The following FNBP1 variants were observed in gnomAD, a reference collection of about 807,000 sequenced individuals.
FNBP1 encodes formin binding protein 1.
In FNBP1, 26 loss-of-function variants were observed where a neutral mutation model predicts 90.6. The observed-to-expected ratio is 0.29, with a 90% CI of 0.21 to 0.40. The LOEUF (loss-of-function observed/expected upper bound fraction) is 0.40, where lower values mean the gene tolerates loss of function less well. Among genes scored for constraint, FNBP1 ranks in the 10% least tolerant of loss-of-function variants. The probability of loss-of-function intolerance (pLI) is 1.00; values close to 1 mark genes in which losing one functional copy is unlikely to be tolerated. For synonymous variants in FNBP1, 260 were observed against 265.2 expected (o/e 0.98, Z 0.19); for missense variants, 635 against 768.0 (o/e 0.83, Z 2.05).
chr9:129,953,333 C>T (rs2046442549), intron 6 of FNBP1, among the ~76,000 whole-genome samples: 1 of 151,674 alleles, frequency 6.6e-6, no homozygotes, highest in Non-Finnish European at 1.5e-5. Flanking sequence ...TAAAAATACA[C>T]ACAAAAAATT....
chr9:129,898,998 C>A (rs183427478), intron 15 of FNBP1, among the ~76,000 whole-genome samples: 18 of 151,942 alleles, frequency 1.2e-4, no homozygotes, highest in Non-Finnish European at 1.5e-4. Flanking sequence ...AACCAAAAGT[C>A]AAAATATACA....
At chr9:129,945,017 G>A (rs1440389576) in intron 6 of FNBP1, among the ~76,000 whole-genome samples, 2 of 151,958 alleles carry the variant, frequency 1.3e-5, no homozygotes, top group South Asian at 2.1e-4. Context: ...ATATATTCAG[G>A]GAATTCATTT....
intron 1 of FNBP1, among the ~76,000 whole-genome samples, chr9:130,016,971 C>G (rs554706044): frequency 1.3e-5 from 2 of 152,124 alleles, no homozygotes; most frequent in African/African-American, 4.8e-5. Flanking sequence ...TTTGGCAGAG[C>G]AGGGTGGCTC....
At chr9:130,002,943 TGTTA>T (rs1386413348) in intron 1 of FNBP1, among the ~76,000 whole-genome samples, 6 of 152,194 alleles carry the variant, frequency 3.9e-5, no homozygotes, top group Non-Finnish European at 8.8e-5. Flanking sequence ...TGCCAGGTGC[TGTTA>T]GTTATGAGAC....
rs2133132587 is a variant in FNBP1, at chr9:129,966,981, C to A, written c.346-8428G>T. ...CCTCTAGATGAGAGATAATGAGGCA[C>A]AGGACTGGGGTAGATGTGGAAGAGG... is the stretch of plus-strand genomic sequence containing the variant. On this transcript the variant is annotated intron_variant, in intron 4 of 16. Coordinates refer to ENST00000446176, the MANE Select transcript of FNBP1 (RefSeq NM_015033.3). This position sits in a 1 kb window ranked among gnomAD's most constrained non-coding sequence, Gnocchi z 4.3. Among the ~76,000 whole-genome samples, 1 of 152,192 alleles carries A rather than the reference C, an allele frequency of 6.6e-6. No individual in the cohort carries two copies. The highest frequency in any genetic ancestry group is 2.1e-4 in the South Asian group (1 of 4,830).
chr9:130,007,482 A>G (rs1191177940), intron 1 of FNBP1, among the ~76,000 whole-genome samples: 2 of 152,140 alleles, frequency 1.3e-5, no homozygotes, highest in Non-Finnish European at 2.9e-5. Flanking sequence ...CACAACCTGT[A>G]GAAAAAGTGC....
upstream of FNBP1, among the ~76,000 whole-genome samples, chr9:130,047,713 A>G (rs1015948068): frequency 1.6e-4 from 24 of 152,026 alleles, no homozygotes; most frequent in African/African-American, 5.1e-4. Context: ...ATCTGATCAC[A>G]TGGACAGTAT....
chr9:130,043,455 A>C (rs1488909134), upstream of FNBP1, among the ~76,000 whole-genome samples: 1 of 152,248 alleles, frequency 6.6e-6, no homozygotes, highest in Non-Finnish European at 1.5e-5. Context: ...TGCTCGCAGT[A>C]CTAGCGCTTG....
rs560580579 is a variant in FNBP1, at chr9:129,931,283, C to T, written c.514-1588G>A. 2.4e-3 allele frequency among the ~76,000 whole-genome samples: 366 copies of T among 151,980 alleles called. 2 individuals carry two copies. The highest frequency in any genetic ancestry group is 6.0e-3 in the South Asian group (29 of 4,824). On this transcript the variant is annotated intron_variant, in intron 6 of 16. Transcript: ENST00000446176. Reference sequence around the variant, plus strand: ...CTGCATTCCAGCCTGCGCAACAGAACGAGACCCTGTGTCAAAAAATAATAA... The same window carrying T: ...CTGCATTCCAGCCTGCGCAACAGAATGAGACCCTGTGTCAAAAAATAATAA...
At chr9:129,913,164 T>C (rs1042450210) in intron 11 of FNBP1, among the ~76,000 whole-genome samples, 1 of 152,010 alleles carries the variant, frequency 6.6e-6, no homozygotes, top group African/African-American at 2.4e-5. Context: ...GCCAGGATCA[T>C]GCCACTGCAC....
At chr9:129,943,408 T>C (rs368927516) in intron 6 of FNBP1, among the ~76,000 whole-genome samples, 6 of 75,754 alleles carry the variant, frequency 7.9e-5, no homozygotes, top group African/African-American at 2.8e-4. Flanking sequence ...TTTTTTGAGA[T>C]GGACTTTTGC....
At chr9:129,901,398 A>G (rs2036911322) in intron 13 of FNBP1, among the ~76,000 whole-genome samples, 1 of 151,856 alleles carries the variant, frequency 6.6e-6, no homozygotes, top group Non-Finnish European at 1.5e-5. Flanking sequence ...TTAGCTGGGC[A>G]TGGTGGCACA....
At chr9:129,891,233 G>A (rs2035075454) in intron 16 of FNBP1, among the ~76,000 whole-genome samples, 1 of 152,072 alleles carries the variant, frequency 6.6e-6, no homozygotes, top group African/African-American at 2.4e-5. Flanking sequence ...GCTGAAGAGG[G>A]AGGATGCATG....
chr9:129,928,229 A>G (rs998877549), intron 7 of FNBP1, among the ~76,000 whole-genome samples: 26 of 152,258 alleles, frequency 1.7e-4, no homozygotes, highest in African/African-American at 6.3e-4. Context: ...AAAAGAAAAC[A>G]ATCCAAAAGA....
chr9:129,904,943 T>C (rs1258240701), intron 12 of FNBP1, among the ~76,000 whole-genome samples: 1 of 152,222 alleles, frequency 6.6e-6, no homozygotes, highest in African/African-American at 2.4e-5. Flanking sequence ...TTAAAAATCA[T>C]GTTTATAAAT....
intron 1 of FNBP1, among the ~76,000 whole-genome samples, chr9:129,999,848 T>C (rs1458332095): frequency 1.3e-5 from 2 of 152,206 alleles, no homozygotes; most frequent in Non-Finnish European, 2.9e-5. Context: ...CTTTAATGTC[T>C]AGCTTAATAG....
Position 129,979,216 on chromosome 9 carries a change from T to G in FNBP1, c.197+102A>C, listed in dbSNP as rs192627210. On this transcript the variant is annotated intron_variant, in intron 3 of 16. Coordinates refer to ENST00000446176, the MANE Select transcript of FNBP1 (RefSeq NM_015033.3). ...AATTTAAAAACTGACACAAAATGAA[T>G]GGGAAATGCAACTTATTTTTATAGA... 1.1e-4 allele frequency: 70 copies of G among 657,262 alleles called. No individual in the cohort carries two copies. The East Asian group carries it at 1.7e-3, about 16-fold the overall frequency. The allele number at this position is 657,262 out of a possible 1,614,324, so 40.7% of individuals were successfully genotyped here.
Position 129,994,815 on chromosome 9 carries a change from C to T in FNBP1, c.140+28G>A, listed in dbSNP as rs374150529. On this transcript the variant is annotated intron_variant, in intron 2 of 16. Transcript: ENST00000446176. ...TATCCTTACATCATTTTGCAGTTAA[C>T]AAATAACCTTTTTCAATATCAACTT... The T allele has an allele frequency of 6.6e-6, 7 of 1,056,626 alleles. No homozygotes were observed. In the African/African-American group the frequency reaches 9.4e-5, roughly 14 times the overall value. The allele number at this position is 1,056,626 out of a possible 1,614,324, so 65.5% of individuals were successfully genotyped here. A position where few individuals can be genotyped will look rare whatever the true frequency, so the allele number is the denominator to read the frequency against.
chr9:129,958,203 G>C (rs924315994), intron 5 of FNBP1, among the ~76,000 whole-genome samples: 1 of 152,002 alleles, frequency 6.6e-6, no homozygotes, highest in African/African-American at 2.4e-5. Flanking sequence ...AGGCCGAGGT[G>C]GGCGAATCAC....
Sources: gnomAD v4.1 joint callset for allele counts (sites outside exome capture counted in the v4.1 genomes callset) on GRCh38, gnomAD v4.1.1 for gene constraint, Gnocchi (gnomAD v3.1) non-coding constraint, MANE v1.5 for transcripts, NCBI Gene and HGNC (gene_info 2026-07-23, HGNC 2026-07-21) for gene names.